HVCN1: variants seen among roughly 807,000 people sequenced by gnomAD.
HVCN1 encodes the protein voltage-gated hydrogen channel 1.
Under a neutral mutation model 29.2 loss-of-function variants are expected in HVCN1, and 14 were observed. That is an observed-to-expected ratio of 0.48 (90% CI 0.32 to 0.75). The LOEUF is 0.75. Among genes scored for constraint, HVCN1 ranks in the 30% least tolerant of loss-of-function variants. The pLI is 0.04. For missense variants in HVCN1, 263 were observed against 341.8 expected, an observed-to-expected ratio of 0.77 and a Z score of 1.82; for synonymous variants, 131 against 133.2, an observed-to-expected ratio of 0.98 and a Z score of 0.11.
At chr12:110,692,713 G>T (rs751371115), upstream of HVCN1, among the ~76,000 whole-genome samples, 12 of 152,068 alleles carry the variant, frequency 7.9e-5, no homozygotes, top group Admixed American at 1.3e-4. Flanking sequence ...GACAGAGCAA[G>T]ACCCTGTCTC....
intron 3 of HVCN1, among the ~76,000 whole-genome samples, chr12:110,662,268 C>T (rs994664563): frequency 1.3e-5 from 2 of 152,164 alleles, no homozygotes; most frequent in African/African-American, 2.4e-5. Context: ...TTGCCCCCCA[C>T]ACAGAATACA....
At chr12:110,689,860 T>G (rs1235752452), upstream of HVCN1, 1 of 152,366 alleles carries the variant, frequency 6.6e-6, no homozygotes, top group Admixed American at 6.5e-5. This position sits in a 1 kb window ranked among gnomAD's most constrained non-coding sequence, Gnocchi z 5.7. Context: ...GAATCAGTTC[T>G]GTTAGCTTCT....
chr12:110,658,766 AAT>A lies in HVCN1; in HGVS notation c.306+2396_306+2397del, dbSNP rs1354637879. Among the ~76,000 whole-genome samples the A allele has an allele frequency of 1.3e-5, 2 of 152,046 alleles. No individual in the cohort carries two copies. Among genetic ancestry groups the A allele is most frequent in the Non-Finnish European group, 2.9e-5 (2 of 68,008 alleles). On this transcript the variant is annotated intron_variant, in intron 4 of 7. Coordinates refer to ENST00000242607, the MANE Select transcript of HVCN1 (RefSeq NM_032369.4). This position sits in a 1 kb window ranked among gnomAD's most constrained non-coding sequence, Gnocchi z 5.0. ...CCTTTCTGCAGCCTGCCAAATCCTC[AAT>A]GAGGGCAAAGATGTGTCTGCCACAT...
At chr12:110,653,181 C>T (rs1025965307) in intron 5 of HVCN1, among the ~76,000 whole-genome samples, 1 of 152,176 alleles carries the variant, frequency 6.6e-6, no homozygotes, top group Non-Finnish European at 1.5e-5. Context: ...CCAGGGAGGC[C>T]GGGTGCAGTG....
intron 3 of HVCN1, among the ~76,000 whole-genome samples, chr12:110,674,664 C>T (rs2068688794): frequency 6.6e-6 from 1 of 152,144 alleles, no homozygotes; most frequent in South Asian, 2.1e-4. Flanking sequence ...ATGGGTTTAT[C>T]GGGGTTTCTG....
At chr12:110,659,106 C>G (rs139396898) in intron 4 of HVCN1, among the ~76,000 whole-genome samples, 3 of 152,244 alleles carry the variant, frequency 2.0e-5, no homozygotes, top group Non-Finnish European at 4.4e-5. Flanking sequence ...AGCTGGGTCG[C>G]CAGGCGCTCT....
intron 4 of HVCN1, among the ~76,000 whole-genome samples, chr12:110,655,830 G>A (rs908486673): frequency 6.6e-6 from 1 of 151,012 alleles, no homozygotes; most frequent in African/African-American, 2.4e-5. Context: ...TCAGCCTCCC[G>A]AGTAGCTGGG....
chr12:110,697,805 C>CCTGTAATTAG (rs2069516581), intron 2 of HVCN1, among the ~76,000 whole-genome samples: 1 of 152,088 alleles, frequency 6.6e-6, no homozygotes, highest in South Asian at 2.1e-4. Flanking sequence ...GTGCACACCA[C>CCTGTAATTAG]CACGCCTGGC....
intron 3 of HVCN1, among the ~76,000 whole-genome samples, chr12:110,674,619 A>G (rs1322033310): frequency 6.6e-6 from 1 of 152,142 alleles, no homozygotes. Flanking sequence ...TTCTCATGCT[A>G]TTCTCATGAT....
At chr12:110,655,064 G>A (rs527780973) in intron 5 of HVCN1, among the ~76,000 whole-genome samples, 170 bp downstream of exon 5, 34 of 152,026 alleles carry the variant, frequency 2.2e-4, no homozygotes, top group Non-Finnish European at 4.3e-4. Context: ...TTTCCTGCTT[G>A]TAGTAAATGC....
At chr12:110,699,863 C>T (rs1277551817) in intron 2 of HVCN1, among the ~76,000 whole-genome samples, 4 of 152,188 alleles carry the variant, frequency 2.6e-5, no homozygotes, top group African/African-American at 9.7e-5. Flanking sequence ...AGCGCTATTT[C>T]TCATGCCACA....
chr12:110,648,857 T>A lies in HVCN1; in HGVS notation c.*553A>T, dbSNP rs2067616929. On this transcript the variant is annotated 3_prime_UTR_variant, in exon 8 of 8. Coordinates refer to ENST00000242607, the MANE Select transcript of HVCN1 (RefSeq NM_032369.4). ...TAGTTGTACAGTAATTGAGGAAAAATGTTGTCAGGTGGCAGAAAACAATGG... is the reference window on the plus strand; with the variant it reads ...TAGTTGTACAGTAATTGAGGAAAAAAGTTGTCAGGTGGCAGAAAACAATGG... 3 of 372,654 alleles carry A rather than the reference T, an allele frequency of 8.1e-6. No homozygotes were observed. The highest frequency in any genetic ancestry group is 6.1e-5 in the South Asian group (3 of 49,084). 23.1% of individuals were successfully genotyped at this position (372,654 alleles called of 1,614,324 possible).
At chr12:110,700,003 G>A (rs773502993) in intron 2 of HVCN1, among the ~76,000 whole-genome samples, 1 of 152,188 alleles carries the variant, frequency 6.6e-6, no homozygotes, top group Non-Finnish European at 1.5e-5. Flanking sequence ...TTTCAGGCAG[G>A]AGGACCCAGG....
intron 4 of HVCN1, among the ~76,000 whole-genome samples, chr12:110,659,445 C>T (rs2136287487): frequency 6.6e-6 from 1 of 152,334 alleles, no homozygotes; most frequent in East Asian, 1.9e-4. Flanking sequence ...CCTGCAATAG[C>T]ATCCCCTAAA....
upstream of HVCN1, among the ~76,000 whole-genome samples, chr12:110,694,398 TG>T (rs762109277): frequency 7.2e-5 from 11 of 152,282 alleles, no homozygotes; most frequent in East Asian, 2.1e-3. The surrounding 1 kb of genome is among the most constrained non-coding windows in gnomAD (Gnocchi z 4.6). Flanking sequence ...AGTACAGCCC[TG>T]GGGGACTGGG....
At position 110,676,283 on chromosome 12, in the gene HVCN1, C is replaced by T. The variant is rs61942633; in HGVS notation, c.21+6942G>A. On this transcript the variant is annotated intron_variant, in intron 3 of 7. Coordinates refer to ENST00000242607, the MANE Select transcript of HVCN1 (RefSeq NM_032369.4). The surrounding 1 kb of genome is among the most constrained non-coding windows in gnomAD (Gnocchi z 4.1). ...GGCTGTCGCAGCTCCTCTCTGCTCT[C>T]TCCTTCCCTGCTGCATTCTCCATCA... Among the ~76,000 whole-genome samples the T allele has an allele frequency of 6.6e-6, 1 of 152,246 alleles. No individual in the cohort carries two copies. The highest frequency in any genetic ancestry group is 2.4e-5 in the African/African-American group (1 of 41,468).
At chr12:110,650,354 C>A (rs1305129165) in intron 6 of HVCN1, 74 bp from the exon 7 acceptor site, 2 of 882,420 alleles carry the variant, frequency 2.3e-6, no homozygotes, top group Non-Finnish European at 3.7e-6. Flanking sequence ...TGTATTCTTA[C>A]ACCTGTATAG....
At chr12:110,686,001 AT>A (rs554904421) in intron 2 of HVCN1, among the ~76,000 whole-genome samples, 16 of 148,766 alleles carry the variant, frequency 1.1e-4, no homozygotes, top group South Asian at 8.5e-4. Context: ...AACTTCTATA[AT>A]TTTTTTTTTC....
intron 3 of HVCN1, among the ~76,000 whole-genome samples, chr12:110,675,965 A>G (rs1394409759): frequency 6.6e-6 from 1 of 152,214 alleles, no homozygotes; most frequent in Non-Finnish European, 1.5e-5. Context: ...TCTGAGATGC[A>G]GTCTTACCTC....
Sources: gnomAD v4.1 joint callset for allele counts (sites outside exome capture counted in the v4.1 genomes callset) on GRCh38, gnomAD v4.1.1 for gene constraint, Gnocchi (gnomAD v3.1) non-coding constraint, MANE v1.5 for transcripts, NCBI Gene and HGNC (gene_info 2026-07-23, HGNC 2026-07-21) for gene names.